The following KDM1B variants were observed in gnomAD, a reference collection of about 807,000 sequenced individuals.
KDM1B encodes the protein lysine demethylase 1B.
Under a neutral mutation model 107.4 loss-of-function variants are expected in KDM1B, and 63 were observed. The ratio of observed to expected loss-of-function variants is 0.59; its 90% confidence interval spans 0.48 to 0.72. The LOEUF (loss-of-function observed/expected upper bound fraction) is 0.72. Ranked by LOEUF, KDM1B falls within the 30% of genes least tolerant of loss-of-function variation. The probability of loss-of-function intolerance (pLI) is 0.00; values close to 1 mark genes in which losing one functional copy is unlikely to be tolerated. For synonymous variants in KDM1B, 363 were observed against 363.9 expected, an observed-to-expected ratio of 1.00 and a Z score of 0.03; for missense variants, 749 against 1,020.8, an observed-to-expected ratio of 0.73 and a Z score of 3.63.
Position 18,209,963 on chromosome 6 carries a change from G to A in KDM1B, c.1866+1757G>A, listed in dbSNP as rs1225757592. On this transcript the variant is annotated intron_variant, in intron 17 of 21. Coordinates refer to ENST00000650836, the MANE Select transcript of KDM1B (RefSeq NM_001364614.2). This position sits in a 1 kb window ranked among gnomAD's most constrained non-coding sequence, Gnocchi z 4.3. The stretch of plus-strand genomic sequence containing the variant: ...TGCTGTTCTGTAGCTCCACTTCTTG[G>A]TGTCCAGGACAGCAAGCTGGTTTTA... 6.6e-6 allele frequency among the ~76,000 whole-genome samples: 1 copy of A among 152,132 alleles called. No homozygotes were observed. The highest frequency in any genetic ancestry group is 6.5e-5 in the Admixed American group (1 of 15,268).
At chr6:18,199,319 T>G (rs1252804015) in intron 12 of KDM1B, among the ~76,000 whole-genome samples, 5 of 152,104 alleles carry the variant, frequency 3.3e-5, no homozygotes, top group Non-Finnish European at 7.4e-5. Flanking sequence ...GAATCAATAT[T>G]CCTTTCCGCC....
At chr6:18,193,194 T>TAAA (rs541938365) in intron 10 of KDM1B, among the ~76,000 whole-genome samples, 43 of 60,022 alleles carry the variant, frequency 7.2e-4, no homozygotes, top group African/African-American at 9.5e-4. Flanking sequence ...AAACTCTGTC[T>TAAA]AAAAAAAAAA....
At chr6:18,173,485 T>C (rs1785796677) in intron 7 of KDM1B, among the ~76,000 whole-genome samples, 1 of 152,186 alleles carries the variant, frequency 6.6e-6, no homozygotes, top group Admixed American at 6.5e-5. Flanking sequence ...AGGTCTTTTA[T>C]GAGGAATTTT....
At chr6:18,185,901 C>T (rs1436579229) in intron 8 of KDM1B, 91 bp downstream of exon 8, 2 of 1,253,728 alleles carry the variant, frequency 1.6e-6, no homozygotes, top group Non-Finnish European at 2.3e-6. Flanking sequence ...TCATGAATTT[C>T]TTTCTCTTTG....
intron 10 of KDM1B, among the ~76,000 whole-genome samples, chr6:18,194,449 C>G (rs1290640046): frequency 6.6e-6 from 1 of 152,166 alleles, no homozygotes; most frequent in Non-Finnish European, 1.5e-5. Context: ...TGCCGCCATG[C>G]ACCTGCTGCA....
chr6:18,156,992 G>C (rs901457949), intron 2 of KDM1B, among the ~76,000 whole-genome samples: 3 of 152,042 alleles, frequency 2.0e-5, no homozygotes, highest in African/African-American at 4.8e-5. Context: ...TCTACATATT[G>C]ATATATCCAC....
chr6:18,182,017 G>C lies in KDM1B; in HGVS notation c.535-3755G>C, dbSNP rs114146370. Reference sequence around the variant, plus strand: ...TGTTTATGTAGATTTACTGCTCTCTGTAATTTCTTTTACCATAGTTCCATT... The same window carrying C: ...TGTTTATGTAGATTTACTGCTCTCTCTAATTTCTTTTACCATAGTTCCATT... On this transcript the variant is annotated intron_variant, in intron 7 of 21. Transcript: ENST00000650836. Among the ~76,000 whole-genome samples the C allele has an allele frequency of 3.4e-3, 517 of 152,092 alleles. 1 individual carries two copies. The highest frequency in any genetic ancestry group is 0.02 in the Middle Eastern group (6 of 294).
rs1164736109 is a variant in KDM1B at position 18,211,949 on chromosome 6, G to GT, written c.1867-523dup. 6,565 of 135,278 alleles carry GT rather than the reference G, an allele frequency of 0.049. 170 individuals are homozygous for GT. The highest frequency in any genetic ancestry group is 0.095 in the African/African-American group (3,456 of 36,346). The allele number at this position is 135,278 out of a possible 1,614,324, so 8.4% of individuals were successfully genotyped here. ...CTCAAGTACTGCTTTTCGGGGTTTT[G>GT]TTTTTTTTTTTTTTTTGAGACAGTC... is the stretch of plus-strand genomic sequence containing the variant. On this transcript the variant is annotated intron_variant, in intron 17 of 21. Coordinates refer to ENST00000650836, the MANE Select transcript of KDM1B (RefSeq NM_001364614.2). This position sits in a 1 kb window ranked among gnomAD's most constrained non-coding sequence, Gnocchi z 5.2.
At chr6:18,215,612 G>A (rs1332727808) in intron 20 of KDM1B, among the ~76,000 whole-genome samples, 1 of 152,174 alleles carries the variant, frequency 6.6e-6, no homozygotes, top group Non-Finnish European at 1.5e-5. Flanking sequence ...CACATTCTGA[G>A]GCACTGAGGG....
rs573134440 is a variant in KDM1B at position 18,192,461 on chromosome 6, T to TG, written c.969+1082dup. Among the ~76,000 whole-genome samples the TG allele has an allele frequency of 3.8e-4, 58 of 152,334 alleles. No individual in the cohort carries two copies. In the East Asian group the frequency reaches 0.011, roughly 29 times the overall value. On this transcript the variant is annotated intron_variant, in intron 10 of 21. Transcript: ENST00000650836. ...GAAATGACATAACCTGATTAAGTTA[T>TG]GGCTGTTAATGCAACTATATGAATT...
At chr6:18,176,266 G>C (rs1453057504) in intron 7 of KDM1B, among the ~76,000 whole-genome samples, 1 of 152,030 alleles carries the variant, frequency 6.6e-6, no homozygotes, top group East Asian at 1.9e-4. Context: ...GGTCGCTGTT[G>C]GTGTATAGAA....
chr6:18,172,426 G>A lies in KDM1B; in HGVS notation c.534+947G>A, dbSNP rs1050172036. On this transcript the variant is annotated intron_variant, in intron 7 of 21. Coordinates refer to ENST00000650836, the MANE Select transcript of KDM1B (RefSeq NM_001364614.2). The surrounding 1 kb of genome is among the most constrained non-coding windows in gnomAD (Gnocchi z 5.2). ...ATACAATTGAGTGGCTGTGGTGCAG[G>A]TTGAGCACCCTAGTCTGAAAATCTG... Among the ~76,000 whole-genome samples, 1 of 152,132 alleles carries A rather than the reference G, an allele frequency of 6.6e-6. No homozygotes were observed. The highest frequency in any genetic ancestry group is 6.5e-5 in the Admixed American group (1 of 15,278).
At chr6:18,167,771 A>G (rs376288856) in intron 6 of KDM1B, among the ~76,000 whole-genome samples, 1 of 150,642 alleles carries the variant, frequency 6.6e-6, no homozygotes, top group Non-Finnish European at 1.5e-5. Flanking sequence ...ACAATGCCCA[A>G]TTTTTTTTTA....
chr6:18,179,026 A>G (rs144309268), intron 7 of KDM1B, among the ~76,000 whole-genome samples: 82 of 152,358 alleles, frequency 5.4e-4, no homozygotes, highest in African/African-American at 1.5e-3. Flanking sequence ...ATCGTCATAT[A>G]CAGTGTTGGC....
Position 18,197,725 on chromosome 6 carries a change from A to G in KDM1B, c.1221+64A>G, listed in dbSNP as rs1479228696. Reference sequence around the variant, plus strand: ...ACTGCTCCTTTTGGTCCAAATTTCTAAGATTTAGAAACCAGTTCCTATTTT... The same window carrying G: ...ACTGCTCCTTTTGGTCCAAATTTCTGAGATTTAGAAACCAGTTCCTATTTT... On this transcript the variant is annotated intron_variant, in intron 12 of 21. Coordinates refer to ENST00000650836, the MANE Select transcript of KDM1B (RefSeq NM_001364614.2). This position sits in a 1 kb window ranked among gnomAD's most constrained non-coding sequence, Gnocchi z 4.5. 1 of 1,169,952 alleles carries G rather than the reference A, an allele frequency of 8.5e-7. No individual in the cohort carries two copies. Among genetic ancestry groups the G allele is most frequent in the Non-Finnish European group, 1.2e-6 (1 of 800,256 alleles). 72.5% of individuals were successfully genotyped at this position (1,169,952 alleles called of 1,614,324 possible).
At chr6:18,221,860 T>C (rs1256589026) in intron 21 of KDM1B, 49 bp from the exon 22 acceptor site, 2 of 1,396,570 alleles carry the variant, frequency 1.4e-6, no homozygotes, top group Non-Finnish European at 1.9e-6. Flanking sequence ...CCTTTTGATA[T>C]CAACTCAACT....
chr6:18,210,671 C>G (rs1255494396), intron 17 of KDM1B, among the ~76,000 whole-genome samples: 3 of 151,896 alleles, frequency 2.0e-5, no homozygotes, highest in Non-Finnish European at 4.4e-5. Context: ...TACTCAAGTT[C>G]TTATGCTTTT....
At chr6:18,168,137 T>G (rs762787980) in intron 6 of KDM1B, among the ~76,000 whole-genome samples, 1 of 152,222 alleles carries the variant, frequency 6.6e-6, no homozygotes, top group Admixed American at 6.5e-5. Flanking sequence ...GAAGTAAAAT[T>G]CGTATAACAT....
chr6:18,176,291 T>G (rs1786002171), intron 7 of KDM1B, among the ~76,000 whole-genome samples: 1 of 152,176 alleles, frequency 6.6e-6, no homozygotes, highest in African/African-American at 2.4e-5. Flanking sequence ...TACTGATCTG[T>G]GTACATTAAT....
Sources: allele counts gnomAD v4.1 joint callset (sites outside exome capture counted in the v4.1 genomes callset), GRCh38; gene constraint gnomAD v4.1.1; non-coding constraint Gnocchi (gnomAD v3.1); transcripts MANE v1.5; gene names NCBI Gene and HGNC (gene_info 2026-07-23, HGNC 2026-07-21).